The following WDR49 variants were observed in gnomAD, a reference collection of about 807,000 sequenced individuals.
WDR49 encodes WD repeat domain 49.
WDR49 carries 107 observed loss-of-function variants against 119.5 expected under a neutral mutation model. The observed-to-expected ratio is 0.90, with a 90% confidence interval of 0.77 to 1.05. The LOEUF (loss-of-function observed/expected upper bound fraction) is 1.05, where lower values mean the gene tolerates loss of function less well. Ranked by LOEUF, WDR49 falls within the 50% of genes least tolerant of loss-of-function variation. The pLI is 0.00. For synonymous variants in WDR49, 425 were observed against 418.8 expected, an observed-to-expected ratio of 1.01 and a Z score of -0.18; for missense variants, 1,240 against 1,220.5, an observed-to-expected ratio of 1.02 and a Z score of -0.24.
intron 10 of WDR49, among the ~76,000 whole-genome samples, chr3:167,537,499 G>C (rs113917700): frequency 4.6e-5 from 7 of 152,130 alleles, no homozygotes; most frequent in African/African-American, 1.7e-4. Context: ...CCATTCTCTT[G>C]GAGTCTACAG....
At chr3:167,602,929 C>T (rs1715853468) in intron 6 of WDR49, among the ~76,000 whole-genome samples, 1 of 152,012 alleles carries the variant, frequency 6.6e-6, no homozygotes, top group South Asian at 2.1e-4. Context: ...AGCCTAGGAG[C>T]AATAGGCTAC....
At chr3:167,486,720 G>A (rs115223831) in intron 18 of WDR49, among the ~76,000 whole-genome samples, 2,356 of 152,058 alleles carry the variant, frequency 0.015, 60 homozygotes, top group African/African-American at 0.054. Context: ...TTGGAGCATC[G>A]AGATTCATAA....
chr3:167,571,956 T>G (rs2108280569), intron 8 of WDR49, among the ~76,000 whole-genome samples: 1 of 152,336 alleles, frequency 6.6e-6, no homozygotes, highest in South Asian at 2.1e-4. Flanking sequence ...TACATCAACC[T>G]ACATCATTAG....
intron 11 of WDR49, 36 bp from the exon 12 acceptor site, chr3:167,533,013 G>A: frequency 6.8e-7 from 1 of 1,467,638 alleles, no homozygotes; most frequent in South Asian, 1.3e-5. Context: ...AAATTGCCAG[G>A]AGATTAAGAT....
At position 167,650,412 on chromosome 3, in the gene WDR49, A is replaced by T. The variant is rs1389631651; in HGVS notation, c.165+2849T>A. Among the ~76,000 whole-genome samples the T allele has an allele frequency of 2.0e-5, 3 of 152,322 alleles. No homozygotes were observed. The East Asian group carries it at 5.8e-4, about 29-fold the overall frequency. Reference sequence around the variant, plus strand: ...CAAGTTTCTCTCCCTTCAGGCTGATATATGGCTCTTTTGACACCATCACTT... The same window carrying T: ...CAAGTTTCTCTCCCTTCAGGCTGATTTATGGCTCTTTTGACACCATCACTT... On this transcript the variant is annotated intron_variant, in intron 2 of 18. Coordinates refer to ENST00000682715, the MANE Select transcript of WDR49 (RefSeq NM_001366157.1).
At chr3:167,608,633 T>G (rs1716178744) in intron 5 of WDR49, among the ~76,000 whole-genome samples, 1 of 152,208 alleles carries the variant, frequency 6.6e-6, no homozygotes, top group South Asian at 2.1e-4. Context: ...GCCATTTCCT[T>G]AAAATCAAAT....
intron 15 of WDR49, among the ~76,000 whole-genome samples, chr3:167,523,317 T>C (rs73173029): frequency 0.29 from 44,216 of 151,394 alleles, 6,649 homozygotes; most frequent in African/African-American, 0.36. Flanking sequence ...TCAGAGACTA[T>C]ACTGAATTAA....
At chr3:167,508,782 A>G (rs894331061) in intron 16 of WDR49, among the ~76,000 whole-genome samples, 21 of 152,214 alleles carry the variant, frequency 1.4e-4, no homozygotes, top group African/African-American at 4.8e-4. Flanking sequence ...TTATTGCCAG[A>G]TTGTTGGTGA....
intron 7 of WDR49, among the ~76,000 whole-genome samples, chr3:167,579,228 C>T (rs1714413533): frequency 6.6e-6 from 1 of 152,016 alleles, no homozygotes; most frequent in Non-Finnish European, 1.5e-5. Context: ...TGAAAATGGG[C>T]TAATACAGAC....
At chr3:167,560,318 T>C in intron 8 of WDR49, 90 bp from the exon 9 acceptor site, 1 of 1,285,776 alleles carries the variant, frequency 7.8e-7, no homozygotes, top group East Asian at 2.6e-5. Context: ...TGTGCATTTC[T>C]AGTCCAAAGA....
chr3:167,628,418 G>T (rs1013123516), intron 2 of WDR49, among the ~76,000 whole-genome samples: 2 of 152,094 alleles, frequency 1.3e-5, no homozygotes, highest in African/African-American at 4.8e-5. Context: ...CTATTCCTTT[G>T]AACACGTTAA....
intron 5 of WDR49, among the ~76,000 whole-genome samples, chr3:167,606,894 T>A (rs1294400164): frequency 6.6e-6 from 1 of 152,142 alleles, no homozygotes; most frequent in Admixed American, 6.6e-5. Context: ...GATCATAGAT[T>A]TACATGACAC....
At chr3:167,630,751 A>T (rs1239150732) in intron 2 of WDR49, among the ~76,000 whole-genome samples, 1 of 152,150 alleles carries the variant, frequency 6.6e-6, no homozygotes, top group East Asian at 1.9e-4. Flanking sequence ...CGGGAAACAC[A>T]GGGTTAAGTT....
intron 7 of WDR49, among the ~76,000 whole-genome samples, chr3:167,582,030 C>T (rs1228607284): frequency 8.0e-6 from 1 of 125,398 alleles, no homozygotes; most frequent in Non-Finnish European, 1.6e-5. Context: ...GGGCATGCTT[C>T]CGTGTGTGTG....
chr3:167,520,324 A>G (rs1752391956), intron 16 of WDR49, among the ~76,000 whole-genome samples: 1 of 152,086 alleles, frequency 6.6e-6, no homozygotes, highest in Non-Finnish European at 1.5e-5. Flanking sequence ...ATACTCTTAA[A>G]CAGGAATCTG....
At chr3:167,601,119 T>C (rs1715749132) in intron 7 of WDR49, among the ~76,000 whole-genome samples, 1 of 152,160 alleles carries the variant, frequency 6.6e-6, no homozygotes, top group Non-Finnish European at 1.5e-5. Context: ...GATAAGATTT[T>C]GAATTACAGC....
chr3:167,633,860 A>C (rs999569722), intron 2 of WDR49, among the ~76,000 whole-genome samples: 2 of 152,002 alleles, frequency 1.3e-5, no homozygotes, highest in African/African-American at 4.8e-5. Flanking sequence ...GTCTGTATGA[A>C]GGCCATCTTC....
At chr3:167,537,909 G>A (rs1711562467) in intron 10 of WDR49, among the ~76,000 whole-genome samples, 1 of 151,976 alleles carries the variant, frequency 6.6e-6, no homozygotes. Context: ...CACTCTAAAG[G>A]TCTCTTAGTT....
intron 8 of WDR49, among the ~76,000 whole-genome samples, chr3:167,562,515 T>C (rs566562578): frequency 3.2e-4 from 48 of 152,366 alleles, no homozygotes; most frequent in Middle Eastern, 6.8e-3. Flanking sequence ...ACATTTTCTC[T>C]CAGTGAAATC....
Sources: gnomAD v4.1 joint callset for allele counts (sites outside exome capture counted in the v4.1 genomes callset) on GRCh38, gnomAD v4.1.1 for gene constraint, MANE v1.5 for transcripts, NCBI Gene and HGNC (gene_info 2026-07-23, HGNC 2026-07-21) for gene names.